ANKFY1: variants seen among roughly 807,000 people sequenced by gnomAD.
ANKFY1 encodes ankyrin repeat and FYVE domain-containing protein 1.
ANKFY1 carries 47 observed loss-of-function variants against 128.3 expected under a neutral mutation model. That is an observed-to-expected ratio of 0.37 (90% CI 0.29 to 0.47). The LOEUF is 0.47. Ranked by LOEUF, ANKFY1 falls within the 20% of genes least tolerant of loss-of-function variation. The pLI is 1.00. For synonymous variants in ANKFY1, 553 were observed against 601.6 expected (o/e 0.92, Z 1.18); for missense variants, 1,222 against 1,510.6 (o/e 0.81, Z 3.17).
intron 1 of ANKFY1, among the ~76,000 whole-genome samples, chr17:4,261,556 A>C (rs1968418218): frequency 6.6e-6 from 1 of 152,210 alleles, no homozygotes. Flanking sequence ...TCCCCCTGCT[A>C]ATTTAACCCT....
At chr17:4,235,119 G>A (rs184845848) in intron 3 of ANKFY1, among the ~76,000 whole-genome samples, 2 of 152,122 alleles carry the variant, frequency 1.3e-5, no homozygotes, top group East Asian at 3.9e-4. Context: ...GAGGTGGGTG[G>A]ACCACCTAAG....
intron 11 of ANKFY1, chr17:4,187,353 G>T: frequency 5.0e-6 from 2 of 398,460 alleles, no homozygotes; most frequent in South Asian, 2.6e-4. Flanking sequence ...TTGTCAAGAT[G>T]ACTCCCACTT....
chr17:4,173,047 G>A (rs1424128118), intron 21 of ANKFY1, among the ~76,000 whole-genome samples: 1 of 152,178 alleles, frequency 6.6e-6, no homozygotes, highest in African/African-American at 2.4e-5. Context: ...TAGTAGAGAC[G>A]GGGTTTCACC....
intron 1 of ANKFY1, among the ~76,000 whole-genome samples, chr17:4,259,291 T>C (rs1355299399): frequency 6.6e-6 from 1 of 152,314 alleles, no homozygotes; most frequent in East Asian, 1.9e-4. Flanking sequence ...TTTATTTTAT[T>C]ATTATTATTT....
chr17:4,195,144 G>A lies in ANKFY1; in HGVS notation c.1206C>T (p.Ser402=). ...LDLELKDHEG[S]TALWLAVQHI... ...GCTGCACTGCCAGCCACAGAGCCGTGCTGCCCTCGTGGTCTTTGAGTTCTA... is the reference window on the plus strand; with the variant it reads ...GCTGCACTGCCAGCCACAGAGCCGTACTGCCCTCGTGGTCTTTGAGTTCTA... The change falls in exon 10 of 25, where the codon AGC becomes AGT. Residue 402 remains serine (S), a synonymous_variant. Transcript: ENST00000341657. The A allele has an allele frequency of 1.9e-6, 3 of 1,612,068 alleles. No homozygotes were observed. The highest frequency in any genetic ancestry group is 1.7e-6 in the Non-Finnish European group (2 of 1,178,322).
chr17:4,200,244 G>T (rs557767499), intron 7 of ANKFY1, among the ~76,000 whole-genome samples: 1 of 151,936 alleles, frequency 6.6e-6, no homozygotes, highest in East Asian at 1.9e-4. Context: ...TTGTGTTTTT[G>T]GTAGAGGTGG....
intron 5 of ANKFY1, among the ~76,000 whole-genome samples, chr17:4,209,202 C>A (rs1387856707): frequency 6.6e-6 from 1 of 152,238 alleles, no homozygotes; most frequent in African/African-American, 2.4e-5. Flanking sequence ...GGCCTGCTGG[C>A]CGTGGAGCCA....
chr17:4,259,559 G>A (rs896748637), intron 1 of ANKFY1, among the ~76,000 whole-genome samples: 1 of 152,226 alleles, frequency 6.6e-6, no homozygotes, highest in African/African-American at 2.4e-5. Flanking sequence ...TGAGATTACA[G>A]GCGTGAGCCA....
intron 3 of ANKFY1, among the ~76,000 whole-genome samples, chr17:4,229,284 C>T (rs1326359649): frequency 6.6e-6 from 1 of 151,894 alleles, no homozygotes; most frequent in African/African-American, 2.4e-5. Context: ...ATTAGCCAGG[C>T]GTGGTGGCGG....
intron 1 of ANKFY1, among the ~76,000 whole-genome samples, chr17:4,256,693 T>C (rs1968150031): frequency 6.6e-6 from 1 of 152,208 alleles, no homozygotes; most frequent in African/African-American, 2.4e-5. Flanking sequence ...TGCATGCTTA[T>C]TTGAAATACT....
At chr17:4,216,928 A>G in intron 4 of ANKFY1, 55 bp downstream of exon 4, 1 of 1,611,130 alleles carries the variant, frequency 6.2e-7, no homozygotes, top group South Asian at 1.1e-5. Context: ...GCTCGGCATA[A>G]TTAAAGCTCA....
Position 4,184,836 on chromosome 17 carries a change from C to G in ANKFY1, c.1681G>C (p.Val561Leu), listed in dbSNP as rs2059581794. 11 of 1,613,514 alleles carry G rather than the reference C, an allele frequency of 6.8e-6. No individual in the cohort carries two copies. The highest frequency in any genetic ancestry group is 9.3e-6 in the Non-Finnish European group (11 of 1,180,030). ...TACTTACCTTTCTGCTCCAGGATGA[C>G]AGACACCACATCCGGATGGTTATAG... ...IAYNHPDVVS[V>L]ILEQKANALH... Residue 561 changes from valine (V) to leucine (L), a missense_variant, in exon 12 of 25, where the codon GTC becomes CTC. Physicochemically the swap from Val to Leu is conservative, Grantham distance 32. Coordinates refer to ENST00000341657, the MANE Select transcript of ANKFY1 (RefSeq NM_001330063.2).
intron 1 of ANKFY1, among the ~76,000 whole-genome samples, chr17:4,251,954 A>C (rs1598151801): frequency 6.6e-6 from 1 of 152,000 alleles, no homozygotes; most frequent in East Asian, 1.9e-4. Flanking sequence ...GAATCACTTG[A>C]ATCCGGGAGA....
intron 2 of ANKFY1, among the ~76,000 whole-genome samples, chr17:4,238,710 C>G (rs531578033): frequency 6.6e-6 from 1 of 152,008 alleles, no homozygotes; most frequent in South Asian, 2.1e-4. Flanking sequence ...CTGATCCGCC[C>G]AACTCAACCT....
chr17:4,174,649 G>GA (rs1245718286), intron 19 of ANKFY1, among the ~76,000 whole-genome samples: 1 of 152,112 alleles, frequency 6.6e-6, no homozygotes, highest in African/African-American at 2.4e-5. Flanking sequence ...GACTCAAAGA[G>GA]AGACACTATC....
At chr17:4,187,631 C>T (rs1471884228) in intron 11 of ANKFY1, 3 of 205,554 alleles carry the variant, frequency 1.5e-5, no homozygotes, top group East Asian at 1.0e-4. Context: ...GGAACAACAG[C>T]GGGTAGACAA....
At chr17:4,241,819 G>A (rs1183678597) in intron 2 of ANKFY1, among the ~76,000 whole-genome samples, 1 of 151,846 alleles carries the variant, frequency 6.6e-6, no homozygotes, top group Admixed American at 6.6e-5. Flanking sequence ...GCCCGGCACG[G>A]TGGCTCACGC....
chr17:4,263,973 G>C lies in ANKFY1; in HGVS notation c.-32C>G. 2 of 1,613,934 alleles carry C rather than the reference G, an allele frequency of 1.2e-6. No homozygotes were observed. The highest frequency in any genetic ancestry group is 1.7e-6 in the Non-Finnish European group (2 of 1,179,940). On this transcript the variant is annotated 5_prime_UTR_variant, in exon 1 of 25. Coordinates refer to ENST00000341657, the MANE Select transcript of ANKFY1 (RefSeq NM_001330063.2). The stretch of plus-strand genomic sequence containing the variant: ...CCCGGCACTGCCTGCAACCTCGCGA[G>C]AAGTGCGCGGCTCAACCGGGGCGGT...
At chr17:4,174,739 T>C (rs748027975) in intron 19 of ANKFY1, among the ~76,000 whole-genome samples, 2 of 152,030 alleles carry the variant, frequency 1.3e-5, no homozygotes, top group Non-Finnish European at 2.9e-5. Flanking sequence ...TTATTATTTC[T>C]TGAGACAGCA....
Sources: gnomAD v4.1 joint callset for allele counts (sites outside exome capture counted in the v4.1 genomes callset) on GRCh38, gnomAD v4.1.1 for gene constraint, MANE v1.5 for transcripts, NCBI Gene and HGNC (gene_info 2026-07-23, HGNC 2026-07-21) for gene names.